Variants in ZMYM1 observed in about 807,000 individuals in gnomAD.
The protein encoded by ZMYM1 is zinc finger MYM-type protein 1.
A neutral mutation model predicts 60.0 loss-of-function variants in ZMYM1; 39 were observed. That is an observed-to-expected ratio of 0.65 (90% CI 0.50 to 0.85). The LOEUF is 0.85. ZMYM1 is among the 40% of genes least tolerant of loss of function. ZMYM1 has a pLI of 0.00. For synonymous variants in ZMYM1, 413 were observed against 454.0 expected, an observed-to-expected ratio of 0.91 and a Z score of 1.15; for missense variants, 1,171 against 1,309.5, an observed-to-expected ratio of 0.89 and a Z score of 1.63.
At chr1:35,089,738 C>CTTTT (rs71029065) in intron 1 of ZMYM1, among the ~76,000 whole-genome samples, 2,154 of 60,996 alleles carry the variant, frequency 0.035, 460 homozygotes, top group African/African-American at 0.048. Flanking sequence ...AGTTGTAAGG[C>CTTTT]TTTTTTTTTT....
At chr1:35,087,458 CTCT>C (rs201751717) in intron 1 of ZMYM1, among the ~76,000 whole-genome samples, 2,228 of 148,840 alleles carry the variant, frequency 0.015, 49 homozygotes, top group African/African-American at 0.05. Flanking sequence ...TGGAGTTTCG[CTCT>C]TCTTGCCCAG....
intron 1 of ZMYM1, among the ~76,000 whole-genome samples, chr1:35,085,771 T>C (rs1002261435): frequency 2.6e-5 from 4 of 152,254 alleles, no homozygotes; most frequent in African/African-American, 7.2e-5. Context: ...ATCAGTATTC[T>C]GTACCCCTCA....
intron 6 of ZMYM1, 129 bp downstream of exon 6, chr1:35,104,898 G>C: frequency 3.1e-6 from 2 of 653,760 alleles, no homozygotes; most frequent in Non-Finnish European, 5.0e-6. Context: ...TGAAATAGAA[G>C]GCTTTTAACG....
upstream of ZMYM1, among the ~76,000 whole-genome samples, chr1:35,078,071 G>A (rs1642200453): frequency 6.6e-6 from 1 of 152,162 alleles, no homozygotes; most frequent in African/African-American, 2.4e-5. Context: ...TCCTTTGGTA[G>A]GAAGGGAGCA....
chr1:35,071,356 C>T (rs1642064557), intron 1 of ZMYM1, among the ~76,000 whole-genome samples: 1 of 151,792 alleles, frequency 6.6e-6, no homozygotes, highest in Non-Finnish European at 1.5e-5. Flanking sequence ...GAGTCAGGGT[C>T]GGGTCTCACT....
At position 35,115,456 on chromosome 1, in the gene ZMYM1, T is replaced by C. The variant is rs745396076; in HGVS notation, c.*197T>C. 5 of 528,026 alleles carry C rather than the reference T, an allele frequency of 9.5e-6. No homozygotes were observed. The highest frequency in any genetic ancestry group is 1.6e-5 in the Non-Finnish European group (5 of 312,346). 32.7% of individuals were successfully genotyped at this position (528,026 alleles called of 1,614,324 possible). ...CTAGAGGTATTTTTCCTAAGTGGTA[T>C]TGTACGGTGTATACTGTTCTTCAGC... On this transcript the variant is annotated 3_prime_UTR_variant, in exon 10 of 10. Transcript: ENST00000359858.
chr1:35,073,290 G>A (rs1304954139), intron 1 of ZMYM1, among the ~76,000 whole-genome samples: 2 of 137,066 alleles, frequency 1.5e-5, no homozygotes, highest in African/African-American at 2.7e-5. Flanking sequence ...GGAAGGAAAG[G>A]AAAGGAAGAA....
chr1:35,064,292 CAAAAAAAA>C (rs371084383), intron 1 of ZMYM1, among the ~76,000 whole-genome samples: 2 of 54,514 alleles, frequency 3.7e-5, no homozygotes, highest in African/African-American at 1.2e-4. Flanking sequence ...GATCCTGTCT[CAAAAAAAA>C]AAAAAAAAAA....
rs1643813524 is a variant in ZMYM1 at position 35,104,420 on chromosome 1, G to A, written c.545G>A (p.Cys182Tyr). The A allele has an allele frequency of 3.1e-6, 5 of 1,612,594 alleles. No individual in the cohort carries two copies. In the Admixed American group the frequency reaches 6.7e-5, roughly 22 times the overall value. The stretch of plus-strand genomic sequence containing the variant: ...AAAAGAAAACCATTTGTTACCATAT[G>A]TACTAATAGCATTTTGACCAAGTGC... ...EEKRKPFVTI[C>Y]TNSILTKCSM... The change falls in exon 5 of 10, where the codon TGT (cysteine) becomes TAT (tyrosine). Residue 182 changes from cysteine to tyrosine, a missense_variant. Transcript: ENST00000359858.
At chr1:35,065,010 A>T (rs1364227603) in intron 1 of ZMYM1, among the ~76,000 whole-genome samples, 1 of 152,130 alleles carries the variant, frequency 6.6e-6, no homozygotes. Context: ...AAACACACTG[A>T]CCATGGATTA....
chr1:35,085,375 T>C (rs1276538569), intron 1 of ZMYM1, among the ~76,000 whole-genome samples: 2 of 152,204 alleles, frequency 1.3e-5, no homozygotes, highest in Non-Finnish European at 2.9e-5. Context: ...CATGCTAGTC[T>C]GTTAAAATCT....
chr1:35,080,914 T>C (rs1050298664), intron 1 of ZMYM1, among the ~76,000 whole-genome samples: 3 of 149,888 alleles, frequency 2.0e-5, no homozygotes, highest in African/African-American at 7.4e-5. Flanking sequence ...ATCAGGCTAG[T>C]AAAAGACCTT....
chr1:35,074,245 A>G (rs577265391), intron 1 of ZMYM1, among the ~76,000 whole-genome samples: 1 of 152,224 alleles, frequency 6.6e-6, no homozygotes, highest in South Asian at 2.1e-4. Context: ...TATGATCTCT[A>G]TCTTCTTAAA....
intron 6 of ZMYM1, among the ~76,000 whole-genome samples, chr1:35,105,233 C>T (rs1338708523): frequency 7.0e-6 from 1 of 142,582 alleles, no homozygotes; most frequent in Non-Finnish European, 1.5e-5. Context: ...CTCGCGGGTT[C>T]ATGCCATTCT....
At chr1:35,089,939 C>G (rs1467224695) in intron 1 of ZMYM1, among the ~76,000 whole-genome samples, 1 of 148,110 alleles carries the variant, frequency 6.8e-6, no homozygotes, top group East Asian at 2.0e-4. Context: ...GAGTCTCGCT[C>G]TGTCGCCCAG....
rs894591770 is a variant in ZMYM1, at chr1:35,113,425, G to A, written c.1595G>A (p.Cys532Tyr). The change falls in exon 10 of 10, where the codon TGT becomes TAT. Residue 532 changes from cysteine (C) to tyrosine (Y), a missense_variant. Cys to Tyr is a radical substitution (Grantham distance 194, BLOSUM62 -2). Coordinates refer to ENST00000359858, the MANE Select transcript of ZMYM1 (RefSeq NM_024772.5). ...GAATTTTGGAGAGAATACCAATTTT[G>A]TGATGGAGCTGTCAGTGACGATTTA... ...SLEFWREYQF[C>Y]DGAVSDDLSI... is the part of the protein sequence containing the mutation. 1 of 1,613,834 alleles carries A rather than the reference G, an allele frequency of 6.2e-7. No homozygotes were observed. Among genetic ancestry groups the A allele is most frequent in the East Asian group, 2.2e-5 (1 of 44,848 alleles).
At chr1:35,074,993 T>C (rs1642142980), upstream of ZMYM1, among the ~76,000 whole-genome samples, 1 of 152,066 alleles carries the variant, frequency 6.6e-6, no homozygotes, top group Admixed American at 6.6e-5. Flanking sequence ...CCTGAGTAGC[T>C]GGGACTACAG....
At chr1:35,093,075 G>A (rs527988390) in intron 1 of ZMYM1, among the ~76,000 whole-genome samples, 15 of 152,240 alleles carry the variant, frequency 9.9e-5, no homozygotes, top group Admixed American at 9.2e-4. Context: ...AAAAGACCTC[G>A]GAGTAAGAAA....
In ZMYM1 at chr1:35,110,461, A is replaced by G. The variant is rs559551905; in HGVS notation, c.961+14A>G. On this transcript the variant is annotated intron_variant, in intron 7 of 9. Coordinates refer to ENST00000359858, the MANE Select transcript of ZMYM1 (RefSeq NM_024772.5). ...AATCTTCTTCAGGTAATGTTTGTTT[A>G]GCAATTGTAGGGGTTTAGTAATTAT... The G allele has an allele frequency of 7.5e-6, 11 of 1,458,210 alleles. No individual in the cohort carries two copies. In the East Asian group the frequency reaches 1.5e-4, roughly 20 times the overall value. 90.3% of individuals were successfully genotyped at this position (1,458,210 alleles called of 1,614,324 possible).
Sources: gnomAD v4.1 joint callset for allele counts (sites outside exome capture counted in the v4.1 genomes callset) on GRCh38, gnomAD v4.1.1 for gene constraint, MANE v1.5 for transcripts, NCBI Gene and HGNC (gene_info 2026-07-23, HGNC 2026-07-21) for gene names.